Variants in KIAA0825 observed in about 807,000 individuals in gnomAD.
KIAA0825 encodes uncharacterized protein KIAA0825.
Under a neutral mutation model 147.6 loss-of-function variants are expected in KIAA0825, and 119 were observed. The observed-to-expected ratio is 0.81, with a 90% CI of 0.69 to 0.94. The LOEUF is 0.94. Among genes scored for constraint, KIAA0825 ranks in the 40% least tolerant of loss-of-function variants. The probability of loss-of-function intolerance (pLI) is 0.00; values close to 1 mark genes in which losing one functional copy is unlikely to be tolerated. For missense variants in KIAA0825, 1,381 were observed against 1,472.7 expected (o/e 0.94, Z 1.02); for synonymous variants, 470 against 518.1 (o/e 0.91, Z 1.26).
intron 10 of KIAA0825, 122 bp from the exon 11 acceptor site, chr5:94,465,181 A>G: frequency 1.2e-6 from 1 of 800,114 alleles, no homozygotes; most frequent in Non-Finnish European, 1.9e-6. Flanking sequence ...ACACTAGAAG[A>G]CCAACAAAGA....
chr5:94,503,171 A>G (rs1765296646), intron 5 of KIAA0825, among the ~76,000 whole-genome samples: 1 of 151,596 alleles, frequency 6.6e-6, no homozygotes, highest in South Asian at 2.1e-4. Flanking sequence ...GTACTGTAAT[A>G]TGTTTTCCAA....
intron 16 of KIAA0825, among the ~76,000 whole-genome samples, chr5:94,403,309 T>C (rs1452053714): frequency 2.0e-5 from 3 of 152,224 alleles, no homozygotes; most frequent in Non-Finnish European, 2.9e-5. Context: ...CTGTGACTAT[T>C]AGCCTGAACA....
At chr5:94,420,488 A>G (rs964627493) in intron 14 of KIAA0825, among the ~76,000 whole-genome samples, 1 of 152,196 alleles carries the variant, frequency 6.6e-6, no homozygotes, top group Non-Finnish European at 1.5e-5. Flanking sequence ...TGTATATGGT[A>G]TGTGGTAATG....
chr5:94,339,564 C>T (rs1782155346), intron 20 of KIAA0825, among the ~76,000 whole-genome samples: 1 of 152,182 alleles, frequency 6.6e-6, no homozygotes, highest in Non-Finnish European at 1.5e-5. Context: ...TCCTCTCATA[C>T]ATTCATTCAA....
chr5:94,307,809 G>C (rs900748181), intron 20 of KIAA0825, among the ~76,000 whole-genome samples: 3 of 151,572 alleles, frequency 2.0e-5, no homozygotes, highest in African/African-American at 4.8e-5. Flanking sequence ...TTATATTTTC[G>C]TTATCTTAAA....
intron 20 of KIAA0825, among the ~76,000 whole-genome samples, chr5:94,334,794 TTTTA>T (rs546763107): frequency 6.6e-6 from 1 of 152,324 alleles, no homozygotes; most frequent in African/African-American, 2.4e-5. Context: ...ACAAACTACT[TTTTA>T]AAGTCTAGCT....
chr5:94,278,701 A>G (rs1351685467), intron 20 of KIAA0825, among the ~76,000 whole-genome samples: 1 of 152,126 alleles, frequency 6.6e-6, no homozygotes, highest in Non-Finnish European at 1.5e-5. Flanking sequence ...AATAACTTCT[A>G]TCCTGAATGA....
chr5:94,328,871 A>C (rs1032486767), intron 20 of KIAA0825, among the ~76,000 whole-genome samples: 8 of 152,266 alleles, frequency 5.3e-5, no homozygotes, highest in African/African-American at 1.7e-4. Context: ...TCCTGTTTAA[A>C]ATTAGTTATT....
At chr5:94,606,690 A>C (rs923140092) in intron 1 of KIAA0825, among the ~76,000 whole-genome samples, 4 of 152,222 alleles carry the variant, frequency 2.6e-5, no homozygotes, top group African/African-American at 9.6e-5. Context: ...AAATATTTGG[A>C]AACTATGTAT....
chr5:94,551,043 T>A (rs937503282), intron 2 of KIAA0825, among the ~76,000 whole-genome samples: 6 of 151,640 alleles, frequency 4.0e-5, no homozygotes, highest in African/African-American at 1.5e-4. Flanking sequence ...ATCATAAATA[T>A]GAGCCAAACA....
intron 20 of KIAA0825, among the ~76,000 whole-genome samples, chr5:94,310,331 G>C (rs1395211791): frequency 6.6e-6 from 1 of 151,496 alleles, no homozygotes; most frequent in Non-Finnish European, 1.5e-5. Context: ...ACTTCTCCTC[G>C]ATCTATCTTT....
At chr5:94,209,573 A>G (rs1398885954) in intron 20 of KIAA0825, among the ~76,000 whole-genome samples, 1 of 152,178 alleles carries the variant, frequency 6.6e-6, no homozygotes, top group Non-Finnish European at 1.5e-5. Context: ...ATAACTTTTT[A>G]TGCTGCTTTT....
Position 94,386,341 on chromosome 5 carries a change from G to A in KIAA0825, c.3520C>T (p.Pro1174Ser). ...ATACTCCTCAAGGTCGTCTTTAAAG[G>A]TCGGATGGGTAATGGCTTTTCCTCT... ...SSEEKPLPIR[P>S]LKTTLRSIED... The change falls in exon 19 of 21, where the codon CCT becomes TCT. Residue 1174 changes from proline (P) to serine (S), a missense_variant. By Grantham distance (74) the Pro-to-Ser change is moderately conservative (BLOSUM62 -1). Coordinates refer to ENST00000682413, the MANE Select transcript of KIAA0825 (RefSeq NM_001145678.3). 1 of 1,551,628 alleles carries A rather than the reference G, an allele frequency of 6.4e-7. No individual in the cohort carries two copies. Among genetic ancestry groups the A allele is most frequent in the Non-Finnish European group, 8.7e-7 (1 of 1,146,826 alleles).
At chr5:94,205,297 ATATT>A in intron 20 of KIAA0825, among the ~76,000 whole-genome samples, 1 of 142,314 alleles carries the variant, frequency 7.0e-6, no homozygotes, top group Non-Finnish European at 1.5e-5. Flanking sequence ...ATATATATAT[ATATT>A]TTGTTTTGTT....
intron 20 of KIAA0825, among the ~76,000 whole-genome samples, chr5:94,191,940 GTTCATCAGTGAA>G (rs1445883058): frequency 6.6e-6 from 1 of 152,208 alleles, no homozygotes; most frequent in African/African-American, 2.4e-5. Flanking sequence ...ATAGATTCAT[GTTCATCAGTGAA>G]TTAAAAAATC....
At chr5:94,361,784 C>A (rs1745097715) in intron 20 of KIAA0825, among the ~76,000 whole-genome samples, 1 of 152,112 alleles carries the variant, frequency 6.6e-6, no homozygotes, top group Admixed American at 6.6e-5. Flanking sequence ...CCCTTGGGGT[C>A]TATAAATTTA....
intron 20 of KIAA0825, among the ~76,000 whole-genome samples, chr5:94,312,109 CT>C: frequency 6.6e-6 from 1 of 151,618 alleles, no homozygotes; most frequent in Non-Finnish European, 1.5e-5. Context: ...GAATGAATTG[CT>C]TTTTATGAAT....
chr5:94,159,456 A>G (rs1030105259), intron 20 of KIAA0825, among the ~76,000 whole-genome samples: 2 of 152,142 alleles, frequency 1.3e-5, no homozygotes, highest in Non-Finnish European at 2.9e-5. Context: ...ACTTGTGTCA[A>G]GTGGTTTCCT....
chr5:94,250,029 A>C (rs780881351), intron 20 of KIAA0825, among the ~76,000 whole-genome samples: 3 of 152,092 alleles, frequency 2.0e-5, no homozygotes, highest in Non-Finnish European at 2.9e-5. Flanking sequence ...AAAAGTCTTC[A>C]CTGGTCTTCA....
Sources: allele counts gnomAD v4.1 joint callset (sites outside exome capture counted in the v4.1 genomes callset), GRCh38; gene constraint gnomAD v4.1.1; transcripts MANE v1.5; gene names NCBI Gene and HGNC (gene_info 2026-07-23, HGNC 2026-07-21).